Variants in GAS7 observed in about 807,000 individuals in gnomAD.
GAS7 encodes growth arrest specific 7, also known as growth arrest-specific protein 7.
In GAS7, 28 loss-of-function variants were observed where a neutral mutation model predicts 71.1. The observed-to-expected ratio is 0.39, with a 90% CI of 0.29 to 0.54. The LOEUF (loss-of-function observed/expected upper bound fraction) is 0.54. GAS7 is among the 20% of genes least tolerant of loss of function. The pLI is 0.62. For missense variants in GAS7, 436 were observed against 627.8 expected (o/e 0.69, Z 3.27); for synonymous variants, 258 against 245.8 (o/e 1.05, Z -0.46).
At chr17:10,061,353 G>A (rs1022790834) in intron 1 of GAS7, 1 of 152,284 alleles carries the variant, frequency 6.6e-6, no homozygotes, top group Non-Finnish European at 1.5e-5. Context: ...CAGCATTGGG[G>A]TTGGGCTCAA....
chr17:9,921,328 T>C (rs997627664), intron 11 of GAS7, among the ~76,000 whole-genome samples: 11 of 151,940 alleles, frequency 7.2e-5, no homozygotes, highest in Non-Finnish European at 1.6e-4. Flanking sequence ...GGCTAGTTTT[T>C]GTATTTTTAG....
chr17:10,005,160 TGTGCGCACGC>T (rs2071447460), intron 2 of GAS7, among the ~76,000 whole-genome samples: 2 of 74,494 alleles, frequency 2.7e-5, no homozygotes, highest in Non-Finnish European at 8.1e-5. Flanking sequence ...CATGCATGTG[TGTGCGCACGC>T]ATGCATGTAT....
intron 1 of GAS7, among the ~76,000 whole-genome samples, chr17:10,181,831 C>A (rs943341327): frequency 6.6e-6 from 1 of 152,090 alleles, no homozygotes; most frequent in Non-Finnish European, 1.5e-5. Flanking sequence ...GTAAAGGAGC[C>A]GGCCAAAACC....
chr17:10,026,315 G>T lies in GAS7; in HGVS notation c.184-6418C>A. 1 of 984,432 alleles carries T rather than the reference G, an allele frequency of 1.0e-6. No homozygotes were observed. Among genetic ancestry groups the T allele is most frequent in the Non-Finnish European group, 1.2e-6 (1 of 829,270 alleles). The allele number at this position is 984,432 out of a possible 1,614,324, so 61.0% of individuals were successfully genotyped here. ...GCTCTAAAGAAAAGCATATCCACAG[G>T]GCCCCACACCCCCACTCCCCCCACA... On this transcript the variant is annotated intron_variant, in intron 1 of 13. Transcript: ENST00000432992. The surrounding 1 kb of genome is among the most constrained non-coding windows in gnomAD (Gnocchi z 4.5).
chr17:9,984,488 T>A (rs968648987), intron 2 of GAS7, among the ~76,000 whole-genome samples: 2 of 152,274 alleles, frequency 1.3e-5, no homozygotes, highest in African/African-American at 4.8e-5. Context: ...TAGTAGGGTC[T>A]TTTATGAGGA....
In GAS7 at chr17:10,008,633, T is replaced by C. The variant is rs79678578; in HGVS notation, c.304+11144A>G. Among the ~76,000 whole-genome samples, 693 of 152,250 alleles carry C rather than the reference T, an allele frequency of 4.6e-3. 20 individuals are homozygous for C. The highest frequency in any genetic ancestry group is 0.031 in the Admixed American group (477 of 15,298). On this transcript the variant is annotated intron_variant, in intron 2 of 13. Transcript: ENST00000432992. ...CCTAAACATTACATGTTAGAACGGA[T>C]ATCCTGGAAGAGAAAACAAAACCCA... is the stretch of plus-strand genomic sequence containing the variant.
chr17:10,090,077 G>A (rs2073565726), intron 1 of GAS7, among the ~76,000 whole-genome samples: 1 of 152,196 alleles, frequency 6.6e-6, no homozygotes, highest in Admixed American at 6.5e-5. Context: ...GCTGAGACAG[G>A]AGAATGGCTT....
intron 2 of GAS7, among the ~76,000 whole-genome samples, chr17:9,994,191 A>T (rs1458458771): frequency 4.6e-5 from 7 of 151,076 alleles, no homozygotes; most frequent in Non-Finnish European, 8.9e-5. Flanking sequence ...TTTAAAGTTC[A>T]TATGGAACCA....
chr17:10,132,174 G>A (rs2074002455), intron 1 of GAS7, among the ~76,000 whole-genome samples: 1 of 152,198 alleles, frequency 6.6e-6, no homozygotes, highest in African/African-American at 2.4e-5. Context: ...GTGAACGTAT[G>A]GATACGTGCT....
intron 1 of GAS7, chr17:10,059,687 C>A (rs769325816): frequency 5.3e-5 from 52 of 985,248 alleles, no homozygotes; most frequent in Non-Finnish European, 6.1e-5. Flanking sequence ...CTGGTTCCAA[C>A]TCACCTCAGC....
chr17:9,916,771 A>C lies in GAS7; in HGVS notation c.*457T>G. 1 of 399,684 alleles carries C rather than the reference A, an allele frequency of 2.5e-6. No individual in the cohort carries two copies. Among genetic ancestry groups the C allele is most frequent in the East Asian group, 3.5e-5 (1 of 28,182 alleles). 24.8% of individuals were successfully genotyped at this position (399,684 alleles called of 1,614,324 possible). On this transcript the variant is annotated 3_prime_UTR_variant, in exon 14 of 14. Transcript: ENST00000432992. The stretch of plus-strand genomic sequence containing the variant: ...GGATTCTGGGTGCGGCTGTGAGCTG[A>C]ATGGCACCTTCTACCCATGATTCTG...
At chr17:10,130,642 A>G (rs1334429413) in intron 1 of GAS7, among the ~76,000 whole-genome samples, 2 of 152,258 alleles carry the variant, frequency 1.3e-5, no homozygotes, top group South Asian at 4.1e-4. Context: ...AACGTGATCT[A>G]TCCAAACCAA....
intron 1 of GAS7, among the ~76,000 whole-genome samples, chr17:10,032,598 T>C (rs1234427348): frequency 6.6e-6 from 1 of 152,190 alleles, no homozygotes; most frequent in Non-Finnish European, 1.5e-5. Context: ...ATGGGACGGC[T>C]TTTGTAACAC....
At chr17:10,097,551 C>T (rs558720129) in intron 1 of GAS7, among the ~76,000 whole-genome samples, 1 of 152,184 alleles carries the variant, frequency 6.6e-6, no homozygotes, top group African/African-American at 2.4e-5. Context: ...AGGGCACAAG[C>T]ACAAAGCCCT....
At position 9,981,443 on chromosome 17, in the gene GAS7, C is replaced by T. The variant is rs1221988519; in HGVS notation, c.385+361G>A. 6.6e-6 allele frequency among the ~76,000 whole-genome samples: 1 copy of T among 152,206 alleles called. No individual in the cohort carries two copies. The highest frequency in any genetic ancestry group is 1.5e-5 in the Non-Finnish European group (1 of 68,036). On this transcript the variant is annotated intron_variant, in intron 3 of 13. Coordinates refer to ENST00000432992, the MANE Select transcript of GAS7 (RefSeq NM_201433.2). This position sits in a 1 kb window ranked among gnomAD's most constrained non-coding sequence, Gnocchi z 4.4. ...AAAGCTGCCTTGTAAACATCTACCT[C>T]CTTTTAGCTTCTACTCCGTGATGTC...
At chr17:10,155,823 T>C (rs780015931) in intron 1 of GAS7, among the ~76,000 whole-genome samples, 18 of 152,350 alleles carry the variant, frequency 1.2e-4, no homozygotes, top group Middle Eastern at 3.4e-3. Flanking sequence ...TGTATTATAA[T>C]GGTCCTATTT....
chr17:10,022,974 AC>A (rs1464410376), intron 1 of GAS7, among the ~76,000 whole-genome samples: 2 of 152,150 alleles, frequency 1.3e-5, no homozygotes, highest in Non-Finnish European at 2.9e-5. Context: ...CAACCTGTGA[AC>A]CTCAGTGTCC....
intron 1 of GAS7, among the ~76,000 whole-genome samples, chr17:10,057,288 C>G (rs2073153848): frequency 6.6e-6 from 1 of 152,020 alleles, no homozygotes; most frequent in Non-Finnish European, 1.5e-5. Flanking sequence ...CTCTGCCCGG[C>G]TGCCCAGTCT....
chr17:10,096,485 A>G (rs56303708), intron 1 of GAS7, among the ~76,000 whole-genome samples: 20,062 of 152,232 alleles, frequency 0.13, 1,549 homozygotes, highest in Non-Finnish European at 0.17. Context: ...TAAGCCAATG[A>G]GGAATCTGTC....
Sources: allele counts gnomAD v4.1 joint callset (sites outside exome capture counted in the v4.1 genomes callset), GRCh38; gene constraint gnomAD v4.1.1; non-coding constraint Gnocchi (gnomAD v3.1); transcripts MANE v1.5; gene names NCBI Gene and HGNC (gene_info 2026-07-23, HGNC 2026-07-21).